Variants in PKIG observed in about 807,000 individuals in gnomAD.
The protein encoded by PKIG is cAMP-dependent protein kinase inhibitor gamma.
In PKIG, 1 loss-of-function variant was observed where a neutral mutation model predicts 6.8. That is an observed-to-expected ratio of 0.15 (90% CI 0.05 to 0.69). The LOEUF (loss-of-function observed/expected upper bound fraction) is 0.69, where lower values mean the gene tolerates loss of function less well. Ranked by LOEUF, PKIG falls within the 30% of genes least tolerant of loss-of-function variation. The pLI, the probability that PKIG is intolerant of heterozygous loss-of-function variation, is 0.82. For synonymous variants in PKIG, 39 were observed against 43.0 expected (o/e 0.91, Z 0.36); for missense variants, 77 against 104.0 (o/e 0.74, Z 1.13).
At chr20:44,602,521 A>G (rs762640173) in intron 2 of PKIG, among the ~76,000 whole-genome samples, 1 of 152,200 alleles carries the variant, frequency 6.6e-6, no homozygotes, top group African/African-American at 2.4e-5. Context: ...TTGAATGAAT[A>G]AATGAAATAT....
intron 1 of PKIG, among the ~76,000 whole-genome samples, chr20:44,545,099 C>T (rs2064601256): frequency 6.6e-6 from 1 of 151,886 alleles, no homozygotes. Context: ...CCATGCCCAG[C>T]TAATTTTTGT....
chr20:44,533,371 G>C (rs1175284033), intron 1 of PKIG, among the ~76,000 whole-genome samples: 2 of 152,200 alleles, frequency 1.3e-5, no homozygotes, highest in Non-Finnish European at 2.9e-5. Flanking sequence ...CTATGTGCAA[G>C]GCACTGTGTA....
intron 1 of PKIG, among the ~76,000 whole-genome samples, chr20:44,558,872 C>T (rs1019134175): frequency 7.9e-5 from 12 of 152,010 alleles, no homozygotes; most frequent in Non-Finnish European, 1.0e-4. Flanking sequence ...CTGCCTCAGT[C>T]TCCCAAGTAG....
chr20:44,618,327 A>G lies in PKIG; in HGVS notation c.194A>G (p.Asn65Ser), dbSNP rs1297561647. Reference sequence around the variant, plus strand: ...AGCGCCCCAGACAAGGAAGCTGGCAACCAGCCCCAGAGCAGCGATGGGACC... The same window carrying G: ...AGCGCCCCAGACAAGGAAGCTGGCAGCCAGCCCCAGAGCAGCGATGGGACC... ...EGSAPDKEAG[N>S]QPQSSDGTTS... is the part of the protein sequence containing the mutation. Residue 65 changes from asparagine (N) to serine (S), a missense_variant, in exon 4 of 4, where the codon AAC becomes AGC. By Grantham distance (46) the Asn-to-Ser change is conservative. Coordinates refer to ENST00000372886, the MANE Select transcript of PKIG (RefSeq NM_001281445.2). The G allele has an allele frequency of 1.9e-6, 3 of 1,613,616 alleles. No individual in the cohort carries two copies. Among genetic ancestry groups the G allele is most frequent in the Non-Finnish European group, 2.5e-6 (3 of 1,179,622 alleles).
intron 1 of PKIG, among the ~76,000 whole-genome samples, chr20:44,573,958 G>C (rs762083517): frequency 3.9e-5 from 6 of 152,146 alleles, no homozygotes; most frequent in Non-Finnish European, 5.9e-5. Flanking sequence ...AAAAATCCAA[G>C]TAATACATGA....
intron 1 of PKIG, among the ~76,000 whole-genome samples, chr20:44,543,780 G>C (rs183266472): frequency 6.6e-6 from 1 of 152,002 alleles, no homozygotes; most frequent in Non-Finnish European, 1.5e-5. Context: ...GGCTGGGCGC[G>C]GTGGCTTACA....
intron 2 of PKIG, among the ~76,000 whole-genome samples, chr20:44,599,417 T>A (rs1205544754): frequency 6.6e-6 from 1 of 152,172 alleles, no homozygotes; most frequent in African/African-American, 2.4e-5. Context: ...CAGTCTGGCA[T>A]GCAGTAAGAA....
chr20:44,601,576 A>T (rs1336861092), intron 2 of PKIG, among the ~76,000 whole-genome samples: 2 of 152,138 alleles, frequency 1.3e-5, no homozygotes, highest in East Asian at 3.9e-4. Flanking sequence ...TACCCTTGAA[A>T]TTTGATGAAT....
intron 1 of PKIG, among the ~76,000 whole-genome samples, chr20:44,560,841 C>G (rs1276912799): frequency 6.6e-6 from 1 of 152,130 alleles, no homozygotes; most frequent in African/African-American, 2.4e-5. Context: ...TCCCGGACAT[C>G]AAAATAGTCC....
chr20:44,599,258 C>T (rs1223592570), intron 2 of PKIG, among the ~76,000 whole-genome samples: 1 of 152,184 alleles, frequency 6.6e-6, no homozygotes, highest in African/African-American at 2.4e-5. Context: ...TAATTCACTC[C>T]CCTGCTTTAT....
At chr20:44,562,809 A>G (rs1159724920) in intron 1 of PKIG, among the ~76,000 whole-genome samples, 1 of 152,178 alleles carries the variant, frequency 6.6e-6, no homozygotes, top group Non-Finnish European at 1.5e-5. Context: ...CTGTAATCCC[A>G]CCACTTTGGG....
upstream of PKIG, among the ~76,000 whole-genome samples, chr20:44,582,104 C>A (rs1204965368): frequency 6.6e-6 from 1 of 152,108 alleles, no homozygotes; most frequent in East Asian, 1.9e-4. Context: ...AGGACAAACT[C>A]ATGTACTGTG....
intron 2 of PKIG, among the ~76,000 whole-genome samples, chr20:44,609,610 A>G (rs940398847): frequency 6.6e-6 from 1 of 152,244 alleles, no homozygotes; most frequent in African/African-American, 2.4e-5. Context: ...CTGGATGAGA[A>G]TCAGGGAATG....
At chr20:44,590,867 A>AT (rs2065027914) in intron 2 of PKIG, among the ~76,000 whole-genome samples, 2 of 152,114 alleles carry the variant, frequency 1.3e-5, no homozygotes, top group Admixed American at 6.5e-5. Context: ...AGGTCTTGTG[A>AT]TTTTCTCTCT....
At chr20:44,570,961 C>T (rs1457486456) in intron 1 of PKIG, among the ~76,000 whole-genome samples, 1 of 152,108 alleles carries the variant, frequency 6.6e-6, no homozygotes, top group Non-Finnish European at 1.5e-5. Flanking sequence ...AGGCCAGGCA[C>T]CGTGGCTCAC....
chr20:44,588,688 AGAGG>A (rs1411513279), intron 1 of PKIG, among the ~76,000 whole-genome samples: 2 of 151,710 alleles, frequency 1.3e-5, no homozygotes, highest in Non-Finnish European at 2.9e-5. Flanking sequence ...TAAAGGAGGG[AGAGG>A]GAGTAAAGAA....
chr20:44,550,623 C>T (rs2064659161), intron 1 of PKIG, among the ~76,000 whole-genome samples: 1 of 152,076 alleles, frequency 6.6e-6, no homozygotes, highest in African/African-American at 2.4e-5. Context: ...CTTTCCCAGG[C>T]GTTTTTGTGC....
rs201059818 is a variant in PKIG, at chr20:44,618,358, G to A, written c.225G>A (p.Ser75=). The A allele has an allele frequency of 2.3e-4, 372 of 1,608,846 alleles. 4 individuals carry two copies. The Middle Eastern group carries it at 8.6e-3, about 37-fold the overall frequency. The part of the protein sequence containing the change: ...NQPQSSDGTT[S]S ...CCCAGAGCAGCGATGGGACCACCTC[G>A]TCTTGAATCTGACCTTGTCCAAGAA... Residue 75 remains serine, a synonymous_variant, in exon 4 of 4, where the codon TCG becomes TCA. Coordinates refer to ENST00000372886, the MANE Select transcript of PKIG (RefSeq NM_001281445.2).
At chr20:44,569,136 G>T (rs1734414964) in intron 1 of PKIG, among the ~76,000 whole-genome samples, 1 of 152,134 alleles carries the variant, frequency 6.6e-6, no homozygotes, top group African/African-American at 2.4e-5. Context: ...TCGTCAAATT[G>T]CCCTTTAGGA....
Sources: gnomAD v4.1 joint callset for allele counts (sites outside exome capture counted in the v4.1 genomes callset) on GRCh38, gnomAD v4.1.1 for gene constraint, MANE v1.5 for transcripts, NCBI Gene and HGNC (gene_info 2026-07-23, HGNC 2026-07-21) for gene names.